WWOX: variants seen among roughly 807,000 people sequenced by gnomAD.
WWOX encodes WW domain containing oxidoreductase.
A neutral mutation model predicts 46.2 loss-of-function variants in WWOX; 69 were observed. The observed-to-expected ratio is 1.49, with a 90% CI of 1.23 to 1.82. The LOEUF is 1.82. WWOX is among the 40% of genes most tolerant of loss of function. WWOX has a pLI of 0.00. For synonymous variants in WWOX, 359 were observed against 202.6 expected, an observed-to-expected ratio of 1.77 and a Z score of -6.56; for missense variants, 919 against 542.6, an observed-to-expected ratio of 1.69 and a Z score of -6.89.
chr16:78,596,942 C>T (rs563909740), intron 8 of WWOX, among the ~76,000 whole-genome samples: 12 of 152,236 alleles, frequency 7.9e-5, no homozygotes, highest in East Asian at 1.9e-4. Flanking sequence ...AATAAACATG[C>T]GGTCTAAACA....
At chr16:78,570,734 C>G (rs2044695695) in intron 8 of WWOX, among the ~76,000 whole-genome samples, 1 of 152,010 alleles carries the variant, frequency 6.6e-6, no homozygotes, top group Admixed American at 6.6e-5. Context: ...GGGGAGCCAG[C>G]CAAAAAATCA....
intron 8 of WWOX, among the ~76,000 whole-genome samples, chr16:78,580,082 T>G (rs1421521115): frequency 6.6e-6 from 1 of 151,908 alleles, no homozygotes; most frequent in African/African-American, 2.4e-5. Context: ...GAAATTTTTT[T>G]TTTTTTTTTG....
At chr16:78,874,255 C>CAA (rs55971104) in intron 8 of WWOX, among the ~76,000 whole-genome samples, 5,833 of 91,354 alleles carry the variant, frequency 0.064, 448 homozygotes, top group African/African-American at 0.23. Context: ...GACTCTGTCT[C>CAA]AAAAAAAAAA....
At chr16:78,918,232 A>AAAGC (rs2045297713) in intron 8 of WWOX, among the ~76,000 whole-genome samples, 2 of 152,294 alleles carry the variant, frequency 1.3e-5, no homozygotes, top group South Asian at 4.1e-4. Flanking sequence ...AGAAAGAAAG[A>AAAGC]AAGCCCTATC....
intron 8 of WWOX, among the ~76,000 whole-genome samples, chr16:78,487,628 T>A (rs1199657843): frequency 6.6e-6 from 1 of 152,168 alleles, no homozygotes; most frequent in Admixed American, 6.5e-5. Context: ...CTGTCCTGTA[T>A]CTTGGAGATG....
At chr16:79,160,265 A>T (rs2050459600) in intron 8 of WWOX, among the ~76,000 whole-genome samples, 1 of 152,174 alleles carries the variant, frequency 6.6e-6, no homozygotes. Flanking sequence ...CCACAGAGCC[A>T]CCAAGCAAGG....
chr16:78,743,757 T>C (rs7197944), intron 8 of WWOX, among the ~76,000 whole-genome samples: 1 of 152,048 alleles, frequency 6.6e-6, no homozygotes, highest in African/African-American at 2.4e-5. Context: ...TTTCACAACC[T>C]ATCAGACATT....
At chr16:78,171,154 C>G (rs1252256365) in intron 5 of WWOX, among the ~76,000 whole-genome samples, 1 of 152,196 alleles carries the variant, frequency 6.6e-6, no homozygotes, top group Non-Finnish European at 1.5e-5. Flanking sequence ...CTGTGCTTTT[C>G]ATAGATACTG....
At position 78,618,782 on chromosome 16, in the gene WWOX, G is replaced by A. The variant is rs1226984602; in HGVS notation, c.1056+186030G>A. On this transcript the variant is annotated intron_variant, in intron 8 of 8. Coordinates refer to ENST00000566780, the MANE Select transcript of WWOX (RefSeq NM_016373.4). ...CCCCACCTGAGACCTGAGAGGAGGA[G>A]AAGGAAGCTTGGAGTCGCTGCCCTG... Among the ~76,000 whole-genome samples the A allele has an allele frequency of 3.3e-5, 5 of 151,880 alleles. No individual in the cohort carries two copies. The East Asian group carries it at 9.8e-4, about 30-fold the overall frequency.
chr16:79,186,404 C>G (rs139049805), intron 8 of WWOX, among the ~76,000 whole-genome samples: 1 of 152,188 alleles, frequency 6.6e-6, no homozygotes, highest in Non-Finnish European at 1.5e-5. Context: ...CTTGGTGTTT[C>G]CTGGCTTGCA....
rs1316822775 is a variant in WWOX, at chr16:78,225,491, C to G, written c.516+61202C>G. Among the ~76,000 whole-genome samples the G allele has an allele frequency of 2.0e-5, 3 of 152,140 alleles. No individual in the cohort carries two copies. The East Asian group carries it at 5.8e-4, about 29-fold the overall frequency. The stretch of plus-strand genomic sequence containing the variant: ...AATCTATCAGCCTGTCTTCTATGAT[C>G]TCTGCTTTTAATTGTTACGCTTTAA... On this transcript the variant is annotated intron_variant, in intron 5 of 8. Transcript: ENST00000566780.
At chr16:78,318,541 A>G (rs1173901909) in intron 5 of WWOX, among the ~76,000 whole-genome samples, 3 of 152,186 alleles carry the variant, frequency 2.0e-5, no homozygotes, top group Non-Finnish European at 2.9e-5. Flanking sequence ...AGAACACAAC[A>G]TTTAGGCACA....
chr16:79,031,888 G>A (rs60553593), intron 8 of WWOX, among the ~76,000 whole-genome samples: 27,628 of 65,880 alleles, frequency 0.42, 3,537 homozygotes, highest in East Asian at 0.5. Flanking sequence ...ACAGATATCT[G>A]TATACAGATA....
At chr16:78,460,812 C>T (rs1156268249) in intron 8 of WWOX, among the ~76,000 whole-genome samples, 1 of 152,252 alleles carries the variant, frequency 6.6e-6, no homozygotes, top group African/African-American at 2.4e-5. Flanking sequence ...AATGAATACT[C>T]TATTTCAGTT....
intron 8 of WWOX, among the ~76,000 whole-genome samples, chr16:78,441,835 G>T (rs1448960472): frequency 6.6e-6 from 1 of 151,956 alleles, no homozygotes; most frequent in Non-Finnish European, 1.5e-5. Flanking sequence ...AGAAATTAAA[G>T]ATTATGAATG....
chr16:79,202,707 A>T (rs774591268), intron 8 of WWOX: 1 of 152,206 alleles, frequency 6.6e-6, no homozygotes, highest in Non-Finnish European at 1.5e-5. Flanking sequence ...GTTCAAGTAC[A>T]TGCCTTCATA....
chr16:78,460,375 A>G (rs1721088299), intron 8 of WWOX, among the ~76,000 whole-genome samples: 1 of 152,198 alleles, frequency 6.6e-6, no homozygotes, highest in African/African-American at 2.4e-5. Context: ...TCGGCCTTGC[A>G]AAGTGCTGGG....
At chr16:78,323,065 G>A (rs1366320130) in intron 5 of WWOX, among the ~76,000 whole-genome samples, 4 of 152,032 alleles carry the variant, frequency 2.6e-5, no homozygotes, top group Admixed American at 1.3e-4. Flanking sequence ...TAAAACAGGC[G>A]TTCCTTACCT....
chr16:78,364,795 CT>C (rs1296553329), intron 5 of WWOX, among the ~76,000 whole-genome samples: 1 of 152,186 alleles, frequency 6.6e-6, no homozygotes, highest in Non-Finnish European at 1.5e-5. Flanking sequence ...AGTGTAGCAT[CT>C]GATTACAGAT....
Sources: gnomAD v4.1 joint callset for allele counts (sites outside exome capture counted in the v4.1 genomes callset) on GRCh38, gnomAD v4.1.1 for gene constraint, MANE v1.5 for transcripts, NCBI Gene and HGNC (gene_info 2026-07-23, HGNC 2026-07-21) for gene names.